EPHA10: variants seen among roughly 807,000 people sequenced by gnomAD.
EPHA10 encodes EPH receptor A10.
A neutral mutation model predicts 109.7 loss-of-function variants in EPHA10; 120 were observed. The ratio of observed to expected loss-of-function variants is 1.09; its 90% CI spans 0.94 to 1.27. The LOEUF is 1.27. EPHA10 is among the 50% of genes most tolerant of loss of function. EPHA10 has a pLI of 0.00. For synonymous variants in EPHA10, 640 were observed against 618.9 expected (o/e 1.03, Z -0.51); for missense variants, 1,396 against 1,411.1 (o/e 0.99, Z 0.17).
At chr1:37,734,135 G>C (rs1019149337) in intron 6 of EPHA10, among the ~76,000 whole-genome samples, 1 of 152,220 alleles carries the variant, frequency 6.6e-6, no homozygotes, top group Non-Finnish European at 1.5e-5. Flanking sequence ...TGAGGAGTGA[G>C]TGAAGTTCTG....
chr1:37,742,990 T>A (rs1646177651), intron 5 of EPHA10, among the ~76,000 whole-genome samples: 1 of 151,738 alleles, frequency 6.6e-6, no homozygotes, highest in African/African-American at 2.4e-5. Flanking sequence ...AGTAAGACCT[T>A]GTCTCTAATA....
At chr1:37,763,539 T>A (rs1287286507) in intron 1 of EPHA10, among the ~76,000 whole-genome samples, 2 of 151,782 alleles carry the variant, frequency 1.3e-5, no homozygotes. Flanking sequence ...GGGGTGGGGG[T>A]CATCATTCAG....
downstream of EPHA10, chr1:37,715,859 A>G: frequency 1.8e-6 from 1 of 548,000 alleles, no homozygotes. Flanking sequence ...ACTCACCTCT[A>G]TGCAGAGAGA....
intron 5 of EPHA10, among the ~76,000 whole-genome samples, 177 bp downstream of exon 5, chr1:37,752,699 C>G (rs1340673491): frequency 1.4e-5 from 2 of 147,278 alleles, no homozygotes; most frequent in Non-Finnish European, 3.0e-5. Flanking sequence ...GGGCGACTGA[C>G]GCTGGGGCGT....
Position 37,721,709 on chromosome 1 carries a change from G to T in EPHA10, c.2097C>A (p.Gly699=). The change falls in exon 11 of 17, where the codon GGC becomes GGA. Residue 699 remains glycine, a synonymous_variant. Coordinates refer to ENST00000373048, the MANE Select transcript of EPHA10 (RefSeq NM_001099439.2). Reference sequence around the variant, plus strand: ...GCACGATGTGGCTATGGTCAAACTGGCCCAGCGTGAGGGCCTCGGCCAGGA... The same window carrying T: ...GCACGATGTGGCTATGGTCAAACTGTCCCAGCGTGAGGGCCTCGGCCAGGA... The part of the protein sequence containing the change: ...LGFLAEALTL[G]QFDHSHIVRL... 1 of 1,612,284 alleles carries T rather than the reference G, an allele frequency of 6.2e-7. No homozygotes were observed. Among genetic ancestry groups the T allele is most frequent in the Non-Finnish European group, 8.5e-7 (1 of 1,179,834 alleles).
intron 1 of EPHA10, 23 bp from the exon 2 acceptor site, chr1:37,762,872 A>C (rs1175095735): frequency 1.3e-6 from 2 of 1,546,078 alleles, no homozygotes; most frequent in South Asian, 1.2e-5. Flanking sequence ...GAAGACAGAA[A>C]TATCAGAAAT....
chr1:37,746,086 C>CA (rs1292108757), intron 5 of EPHA10, among the ~76,000 whole-genome samples: 6 of 122,242 alleles, frequency 4.9e-5, no homozygotes, highest in Non-Finnish European at 6.9e-5. Context: ...GTGTCTCTCC[C>CA]TTTTCTTTTC....
In EPHA10 at chr1:37,724,363, C is replaced by CGT. The variant is rs139829250; in HGVS notation, c.1773-993_1773-992dup. Among the ~76,000 whole-genome samples, 26 of 151,922 alleles carry CGT rather than the reference C, an allele frequency of 1.7e-4. No individual in the cohort carries two copies. In the East Asian group the frequency reaches 1.7e-3, roughly 10 times the overall value. ...CAGGGAAGATAAGACGGGCGTTCGA[C>CGT]GTGTGTGTGTGTGTCTGGAGCTTGG... On this transcript the variant is annotated intron_variant, in intron 8 of 16. Coordinates refer to ENST00000373048, the MANE Select transcript of EPHA10 (RefSeq NM_001099439.2).
chr1:37,735,542 G>T, intron 5 of EPHA10, 152 bp from the exon 6 acceptor site: 1 of 882,836 alleles, frequency 1.1e-6, no homozygotes. Flanking sequence ...CTAGGGAACT[G>T]ACTGAGAGGC....
rs1038060275 is a variant in EPHA10 at position 37,731,421 on chromosome 1, G to A, written c.1653C>T (p.Thr551=). The change falls in exon 7 of 17, where the codon ACC becomes ACT. Residue 551 remains threonine (T), a synonymous_variant. Transcript: ENST00000373048. ...QSFNPSIEVQ[T]LGEAASGSRD... The stretch of plus-strand genomic sequence containing the variant: ...ACACACACTACTTACCCTCCCCCAG[G>A]GTCTGTACTTCAATGCTGGGGTTAA... The A allele has an allele frequency of 1.2e-6, 2 of 1,609,090 alleles. No homozygotes were observed. The highest frequency in any genetic ancestry group is 2.7e-5 in the African/African-American group (2 of 74,912).
chr1:37,720,769 C>G lies in EPHA10; in HGVS notation c.2208+14G>C. 1 of 1,613,786 alleles carries G rather than the reference C, an allele frequency of 6.2e-7. No individual in the cohort carries two copies. Among genetic ancestry groups the G allele is most frequent in the Non-Finnish European group, 8.5e-7 (1 of 1,179,756 alleles). On this transcript the variant is annotated intron_variant, in intron 12 of 16. Transcript: ENST00000373048. ...CAGAATAAAGTGGTCATTGGCAGCC[C>G]CAGGGCCACTCACCCTGAGGAAGCC...
chr1:37,722,076 A>T, intron 10 of EPHA10: 1 of 453,236 alleles, frequency 2.2e-6, no homozygotes, highest in Admixed American at 4.1e-5. Context: ...GGTTTCAGTG[A>T]GCTGAGATTG....
chr1:37,717,520 C>T lies in EPHA10; in HGVS notation c.*852G>A, dbSNP rs546085367. 4.3e-6 allele frequency: 1 copy of T among 231,746 alleles called. No individual in the cohort carries two copies. Among genetic ancestry groups the T allele is most frequent in the Admixed American group, 5.6e-5 (1 of 17,746 alleles). 14.4% of individuals were successfully genotyped at this position (231,746 alleles called of 1,614,324 possible). ...GAGAGGACCCATCTCTGAGTCTCCT[C>T]TTCACCCTCCCCATGGCTGGAGAGA... On this transcript the variant is annotated 3_prime_UTR_variant, in exon 17 of 17. Coordinates refer to ENST00000373048, the MANE Select transcript of EPHA10 (RefSeq NM_001099439.2).
At chr1:37,762,889 G>A (rs1329692920) in intron 1 of EPHA10, 40 bp from the exon 2 acceptor site, 2 of 1,528,398 alleles carry the variant, frequency 1.3e-6, no homozygotes, top group Non-Finnish European at 1.8e-6. Context: ...AAATCGAGAA[G>A]GTCAGTTTAG....
intron 3 of EPHA10, 152 bp downstream of exon 3, chr1:37,761,253 C>T (rs1475764145): frequency 7.3e-6 from 11 of 1,504,710 alleles, no homozygotes; most frequent in Non-Finnish European, 8.8e-6. Flanking sequence ...GGAAACTCCA[C>T]AAGACTTCAG....
chr1:37,723,418 C>T, intron 8 of EPHA10, 46 bp from the exon 9 acceptor site: 1 of 1,605,846 alleles, frequency 6.2e-7, no homozygotes. Context: ...CCACCCCGGC[C>T]CTTCCCATTA....
At position 37,754,268 on chromosome 1, in the gene EPHA10, C is replaced by T; in HGVS notation, c.953G>A (p.Cys318Tyr). Residue 318 changes from cysteine (C) to tyrosine (Y), a missense_variant, in exon 4 of 17, where the codon TGC becomes TAC. By Grantham distance (194) the Cys-to-Tyr change is radical. Transcript: ENST00000373048. This position sits in a 1 kb window ranked among gnomAD's most constrained non-coding sequence, Gnocchi z 4.5. ...ALENASTFCVCQDSYARSPTD... is the reference protein window; with the variant it reads ...ALENASTFCVYQDSYARSPTD... ...GGGTGAGCGCGCATAGCTGTCCTGG[C>T]ACACGCAGAAGGTGGAGGCGTTTTC... The T allele has an allele frequency of 7.6e-7, 1 of 1,322,156 alleles. No individual in the cohort carries two copies. The highest frequency in any genetic ancestry group is 9.7e-7 in the Non-Finnish European group (1 of 1,030,356). 81.9% of individuals were successfully genotyped at this position (1,322,156 alleles called of 1,614,324 possible). A position where few individuals can be genotyped will look rare whatever the true frequency, so the allele number is the denominator to read the frequency against.
rs1348812333 is a variant in EPHA10 at position 37,723,062 on chromosome 1, G to A, written c.1939C>T (p.Leu647=). 1 of 1,614,204 alleles carries A rather than the reference G, an allele frequency of 6.2e-7. No homozygotes were observed. ...AKELDAKSVT[L]ERSLGGGRFG... is the part of the protein sequence containing the mutation. Reference sequence around the variant, plus strand: ...TTGCCTCCTCCAAGGCTCCTCTCCAGCGTGACGCTTTTCGCATCCAGTTCC... The same window carrying A: ...TTGCCTCCTCCAAGGCTCCTCTCCAACGTGACGCTTTTCGCATCCAGTTCC... The change falls in exon 10 of 17, where the codon CTG becomes TTG. Residue 647 remains leucine (L), a synonymous_variant. Coordinates refer to ENST00000373048, the MANE Select transcript of EPHA10 (RefSeq NM_001099439.2).
chr1:37,761,713 C>G lies in EPHA10; in HGVS notation c.542G>C (p.Gly181Ala). Residue 181 changes from glycine to alanine, a missense_variant, in exon 3 of 17, where the codon GGA becomes GCA. By Grantham distance (60) the Gly-to-Ala change is moderately conservative. Transcript: ENST00000373048. ...MKLNTEVREI[G>A]PLSRRGFHLA... ...GTGGAAACCCCGCCGGCTGAGCGGT[C>G]CGATCTCGCGCACCTCTGTGTTCAG... 1 of 1,613,536 alleles carries G rather than the reference C, an allele frequency of 6.2e-7. No individual in the cohort carries two copies. The highest frequency in any genetic ancestry group is 2.2e-5 in the East Asian group (1 of 44,858).
Sources: allele counts gnomAD v4.1 joint callset (sites outside exome capture counted in the v4.1 genomes callset), GRCh38; gene constraint gnomAD v4.1.1; non-coding constraint Gnocchi (gnomAD v3.1); transcripts MANE v1.5; gene names NCBI Gene and HGNC (gene_info 2026-07-23, HGNC 2026-07-21).